UNC79: variants seen among roughly 807,000 people sequenced by gnomAD.
UNC79 encodes unc-79 subunit of NALCN channel complex.
UNC79 carries 37 observed loss-of-function variants against 283.1 expected under a neutral mutation model. That is an observed-to-expected ratio of 0.13 (90% CI 0.10 to 0.17). The LOEUF is 0.17. Ranked by LOEUF, UNC79 falls within the 10% of genes least tolerant of loss-of-function variation. The pLI, the probability that UNC79 is intolerant of heterozygous loss-of-function variation, is 1.00. For missense variants in UNC79, 2,272 were observed against 3,211.1 expected (o/e 0.71, Z 7.07); for synonymous variants, 1,107 against 1,200.2 (o/e 0.92, Z 1.61).
chr14:93,635,276 G>T (rs1380676518), intron 31 of UNC79, among the ~76,000 whole-genome samples: 2 of 152,148 alleles, frequency 1.3e-5, no homozygotes, highest in African/African-American at 4.8e-5. Context: ...TATCAAGCCA[G>T]TAGTACAGCC....
intron 1 of UNC79, among the ~76,000 whole-genome samples, chr14:93,333,804 T>C (rs1595355319): frequency 6.6e-6 from 1 of 152,286 alleles, no homozygotes; most frequent in African/African-American, 2.4e-5. Context: ...ATGGTTTCAT[T>C]TGAACGCCAA....
intron 1 of UNC79, among the ~76,000 whole-genome samples, chr14:93,397,672 T>A (rs1008203916): frequency 6.6e-6 from 1 of 152,084 alleles, no homozygotes. Flanking sequence ...CATAGTGAGA[T>A]TCTGTTTCAA....
At chr14:93,628,824 A>G (rs1036365357) in intron 30 of UNC79, among the ~76,000 whole-genome samples, 13 of 152,222 alleles carry the variant, frequency 8.5e-5, no homozygotes, top group African/African-American at 2.7e-4. Context: ...CGCTAACAGA[A>G]TCTTAGTACA....
At chr14:93,415,018 C>T (rs548074387) in intron 1 of UNC79, among the ~76,000 whole-genome samples, 7 of 152,330 alleles carry the variant, frequency 4.6e-5, no homozygotes, top group Admixed American at 2.6e-4. Context: ...CTATTTCCTT[C>T]TCCTGCCTGA....
At chr14:93,415,151 G>T (rs2055424873) in intron 1 of UNC79, among the ~76,000 whole-genome samples, 1 of 152,198 alleles carries the variant, frequency 6.6e-6, no homozygotes, top group Non-Finnish European at 1.5e-5. Flanking sequence ...GATATTGGCT[G>T]TGGGTTTGTC....
chr14:93,366,618 G>C (rs1327803797), intron 1 of UNC79, among the ~76,000 whole-genome samples: 4 of 150,356 alleles, frequency 2.7e-5, no homozygotes, highest in Non-Finnish European at 5.9e-5. Context: ...TGTCACCCAG[G>C]CTGGAGTACA....
Position 93,430,769 on chromosome 14 carries a change from G to A in UNC79, c.-261G>A, listed in dbSNP as rs193016430. On this transcript the variant is annotated 5_prime_UTR_variant, in exon 1 of 49. Coordinates refer to ENST00000555664, the Ensembl canonical transcript of UNC79. The surrounding 1 kb of genome is among the most constrained non-coding windows in gnomAD (Gnocchi z 4.6). ...CCCACATCAACGCGGGCAGCTCCAG[G>A]AGGGGACGGACAGGAAGCCTTTGGC... 2 of 437,284 alleles carry A rather than the reference G, an allele frequency of 4.6e-6. No homozygotes were observed. Among genetic ancestry groups the A allele is most frequent in the Admixed American group, 3.4e-5 (1 of 29,142 alleles). The allele number at this position is 437,284 out of a possible 1,614,324, so 27.1% of individuals were successfully genotyped here.
chr14:93,422,364 T>C lies in UNC79; in HGVS notation c.-350-45307T>C, dbSNP rs2055618998. 2.0e-5 allele frequency among the ~76,000 whole-genome samples: 3 copies of C among 147,238 alleles called. 1 individual carries two copies. Among genetic ancestry groups the C allele is most frequent in the Non-Finnish European group, 4.6e-5 (3 of 65,224 alleles). On this transcript the variant is annotated intron_variant, in intron 1 of 49. Coordinates refer to the UNC79 transcript ENST00000256339. Reference sequence around the variant, plus strand: ...AAGAGGTTGTGGAGACCAAAGCTTATCATGCAGATGAAGCCTCCAGGTAGC... The same window carrying C: ...AAGAGGTTGTGGAGACCAAAGCTTACCATGCAGATGAAGCCTCCAGGTAGC...
chr14:93,542,030 TC>T (rs1402484904), intron 13 of UNC79, among the ~76,000 whole-genome samples: 8 of 139,278 alleles, frequency 5.7e-5, no homozygotes, highest in African/African-American at 2.2e-4. Context: ...AAAAAAAAAG[TC>T]TATTTATGAT....
chr14:93,620,742 G>C (rs2067075289), intron 29 of UNC79, 150 bp from the exon 31 acceptor site: 1 of 263,664 alleles, frequency 3.8e-6, no homozygotes, highest in Non-Finnish European at 7.7e-6. Flanking sequence ...TTGATGCCTG[G>C]ATGAAATACC....
exon 34 of UNC79, chr14:93,643,579 C>G: frequency 1.2e-6 from 2 of 1,613,924 alleles, no homozygotes; most frequent in Non-Finnish European, 1.7e-6. Flanking sequence ...TGGGGCCATT[C>G]TTGAAGAATA....
chr14:93,640,784 C>A (rs2068952434), intron 32 of UNC79, among the ~76,000 whole-genome samples: 1 of 152,116 alleles, frequency 6.6e-6, no homozygotes, highest in Non-Finnish European at 1.5e-5. Flanking sequence ...TGGGAAGTTT[C>A]CATTTATGCC....
At chr14:93,498,360 G>A (rs142228901) in intron 7 of UNC79, among the ~76,000 whole-genome samples, 2,102 of 152,058 alleles carry the variant, frequency 0.014, 51 homozygotes, top group African/African-American at 0.048. Context: ...AGGCCTAGGC[G>A]GGTGGATCAC....
Position 93,617,093 on chromosome 14 carries a change from A to C in UNC79, c.4042-29A>C. The C allele has an allele frequency of 6.3e-7, 1 of 1,575,512 alleles. No individual in the cohort carries two copies. The highest frequency in any genetic ancestry group is 8.6e-7 in the Non-Finnish European group (1 of 1,156,110). On this transcript the variant is annotated intron_variant, in intron 27 of 48. Transcript: ENST00000555664. This position sits in a 1 kb window ranked among gnomAD's most constrained non-coding sequence, Gnocchi z 4.5. ...CTCTGAGTGTTCTTTGTAGTTTTCC[A>C]TCAGTTATTAATATTTTTTCTATTT...
intron 19 of UNC79, among the ~76,000 whole-genome samples, chr14:93,581,660 A>G (rs943230682): frequency 9.9e-5 from 15 of 151,448 alleles, no homozygotes; most frequent in African/African-American, 3.6e-4. Flanking sequence ...CGCCCAGCTA[A>G]TTTTTGTATT....
rs565305752 is a variant in UNC79, at chr14:93,373,654, A to C, written c.-351+40131A>C. ...GAAAACACCAAGCCCAGATGTCTTCACAGGTGAATTCTACCAAACATTTTA... is the reference window on the plus strand; with the variant it reads ...GAAAACACCAAGCCCAGATGTCTTCCCAGGTGAATTCTACCAAACATTTTA... On this transcript the variant is annotated intron_variant, in intron 1 of 49. Transcript: ENST00000256339. Among the ~76,000 whole-genome samples the C allele has an allele frequency of 3.9e-5, 6 of 152,364 alleles. No individual in the cohort carries two copies. The East Asian group carries it at 5.8e-4, about 15-fold the overall frequency.
chr14:93,679,522 C>T (rs2073656057), intron 41 of UNC79, among the ~76,000 whole-genome samples: 1 of 152,038 alleles, frequency 6.6e-6, no homozygotes, highest in African/African-American at 2.4e-5. Context: ...GGTATACCTG[C>T]ATATTGAAGT....
In UNC79 at chr14:93,433,216, G is replaced by T. The variant is rs149589137; in HGVS notation, c.22+2165G>T. Among the ~76,000 whole-genome samples, 4 of 152,294 alleles carry T rather than the reference G, an allele frequency of 2.6e-5. No homozygotes were observed. In the East Asian group the frequency reaches 7.7e-4, roughly 29 times the overall value. On this transcript the variant is annotated intron_variant, in intron 1 of 48. Coordinates refer to ENST00000555664, the Ensembl canonical transcript of UNC79. ...TGTAGTAGGAGCTATCTTTGCTTTA[G>T]TCTTAAGGGTTTGGAGGGCAAAGGA...
chr14:93,621,892 T>C lies in UNC79; in HGVS notation c.4659T>C (p.Ala1553=), dbSNP rs765996866. ...CTGGACGTTCTAGACAGAACTCTGC[T>C]ACGAGGCCTGACAATAGTGAAATCC... Residue 1553 remains alanine (A), a synonymous_variant, in exon 30 of 49, where the codon GCT becomes GCC. Transcript: ENST00000555664. The surrounding 1 kb of genome is among the most constrained non-coding windows in gnomAD (Gnocchi z 4.8). The C allele has an allele frequency of 1.9e-6, 3 of 1,614,124 alleles. No homozygotes were observed. Among genetic ancestry groups the C allele is most frequent in the Middle Eastern group, 3.3e-4 (2 of 6,062 alleles).
Sources: allele counts gnomAD v4.1 joint callset (sites outside exome capture counted in the v4.1 genomes callset), GRCh38; gene constraint gnomAD v4.1.1; non-coding constraint Gnocchi (gnomAD v3.1); transcripts MANE v1.5; gene names NCBI Gene and HGNC (gene_info 2026-07-23, HGNC 2026-07-21).